GPD2: variants seen among roughly 807,000 people sequenced by gnomAD.
GPD2 encodes the protein glycerol-3-phosphate dehydrogenase 2, also known as glycerol-3-phosphate dehydrogenase, mitochondrial.
Under a neutral mutation model 82.4 loss-of-function variants are expected in GPD2, and 54 were observed. The ratio of observed to expected loss-of-function variants is 0.66; its 90% CI spans 0.53 to 0.82. The LOEUF (loss-of-function observed/expected upper bound fraction) is 0.82. Among genes scored for constraint, GPD2 ranks in the 40% least tolerant of loss-of-function variants. The pLI is 0.00. For synonymous variants in GPD2, 288 were observed against 306.1 expected (o/e 0.94, Z 0.62); for missense variants, 748 against 896.2 (o/e 0.83, Z 2.11).
chr2:156,519,597 A>T (rs981981941), intron 6 of GPD2, among the ~76,000 whole-genome samples: 9 of 152,264 alleles, frequency 5.9e-5, no homozygotes, highest in African/African-American at 2.2e-4. Context: ...ATTGATACAC[A>T]TAAAAGAATA....
chr2:156,569,806 G>T (rs1687544953), intron 11 of GPD2, among the ~76,000 whole-genome samples: 1 of 152,092 alleles, frequency 6.6e-6, no homozygotes, highest in South Asian at 2.1e-4. Context: ...TCTGTCTCAG[G>T]CATGAAGAAG....
intron 6 of GPD2, 24 bp downstream of exon 6, chr2:156,513,520 TC>T (rs757788519): frequency 1.6e-5 from 24 of 1,525,338 alleles, no homozygotes; most frequent in Non-Finnish European, 2.0e-5. Context: ...TTTTTTTTTT[TC>T]CTCACAAGAT....
intron 1 of GPD2, among the ~76,000 whole-genome samples, chr2:156,442,166 T>G (rs970246477): frequency 6.6e-6 from 1 of 152,190 alleles, no homozygotes; most frequent in African/African-American, 2.4e-5. Context: ...AAAACAAACC[T>G]GACAAGCTAT....
intron 1 of GPD2, among the ~76,000 whole-genome samples, chr2:156,447,448 C>T (rs1032350761): frequency 3.3e-5 from 5 of 152,142 alleles, no homozygotes; most frequent in East Asian, 3.9e-4. Flanking sequence ...GATCCTCCTA[C>T]GTCAGCCTCC....
At chr2:156,433,218 C>A (rs760762791), upstream of GPD2, among the ~76,000 whole-genome samples, 1 of 152,176 alleles carries the variant, frequency 6.6e-6, no homozygotes, top group Non-Finnish European at 1.5e-5. Context: ...CAGCCCATTC[C>A]CAAAGCAGAC....
chr2:156,571,330 G>A, intron 13 of GPD2, 38 bp downstream of exon 13: 2 of 1,309,154 alleles, frequency 1.5e-6, no homozygotes, highest in South Asian at 1.5e-5. Flanking sequence ...AATTCCTATT[G>A]TAAACGCGGA....
At chr2:156,582,763 T>A in intron 16 of GPD2, 30 bp from the exon 17 acceptor site, 5 of 1,611,576 alleles carry the variant, frequency 3.1e-6, no homozygotes, top group Non-Finnish European at 4.2e-6. Flanking sequence ...TGGCCTGCGT[T>A]CTGAATCTGT....
Position 156,507,596 on chromosome 2 carries a change from G to T in GPD2, c.275-3200G>T, listed in dbSNP as rs150006674. Among the ~76,000 whole-genome samples the T allele has an allele frequency of 1.3e-3, 196 of 152,192 alleles. 4 individuals carry two copies. The East Asian group carries it at 0.033, about 26-fold the overall frequency. ...CCCGCCTTGGCTTCCAAAGTGCTAG[G>T]ATTATGTGAGCCACTCACACCTGGC... On this transcript the variant is annotated intron_variant, in intron 3 of 16. Coordinates refer to ENST00000438166, the MANE Select transcript of GPD2 (RefSeq NM_000408.5).
At chr2:156,557,250 G>A in intron 8 of GPD2, 139 bp from the exon 9 acceptor site, 2 of 685,356 alleles carry the variant, frequency 2.9e-6, no homozygotes, top group Non-Finnish European at 5.2e-6. Flanking sequence ...TCTAGATTAG[G>A]GTAGGGGAAG....
At chr2:156,408,550 A>C in the GPD2 span, among the ~76,000 whole-genome samples, 2 of 151,564 alleles carry the variant, frequency 1.3e-5, no homozygotes, top group East Asian at 3.9e-4. Context: ...ACATAGGGAG[A>C]CCACCCCCTG....
chr2:156,582,738 A>C (rs1213171120), intron 16 of GPD2, 55 bp from the exon 17 acceptor site: 4 of 1,593,566 alleles, frequency 2.5e-6, no homozygotes, highest in Non-Finnish European at 2.6e-6. Context: ...TGATGCCATG[A>C]AGAAGAGAGT....
chr2:156,506,589 TAAAA>T (rs546400674), intron 3 of GPD2, among the ~76,000 whole-genome samples: 1 of 144,156 alleles, frequency 6.9e-6, no homozygotes, highest in African/African-American at 2.5e-5. Flanking sequence ...TTTGGGAAAT[TAAAA>T]AAAAAAAAAA....
chr2:156,583,096 T>C lies in GPD2; in HGVS notation c.*178T>C, dbSNP rs1404030556. The stretch of plus-strand genomic sequence containing the variant: ...TTTGCCAGCTTTATTTGCTGTACTT[T>C]ATTTGTATTTGCCATTCAGTCTAGC... On this transcript the variant is annotated 3_prime_UTR_variant, in exon 17 of 17. Transcript: ENST00000438166. 1 of 673,898 alleles carries C rather than the reference T, an allele frequency of 1.5e-6. No homozygotes were observed. Among genetic ancestry groups the C allele is most frequent in the Non-Finnish European group, 2.6e-6 (1 of 381,020 alleles). The allele number at this position is 673,898 out of a possible 1,614,324, so 41.7% of individuals were successfully genotyped here. A position where few individuals can be genotyped will look rare whatever the true frequency, so the allele number is the denominator to read the frequency against.
chr2:156,447,804 C>T (rs1003857696), intron 1 of GPD2, among the ~76,000 whole-genome samples: 6 of 152,152 alleles, frequency 3.9e-5, no homozygotes, highest in African/African-American at 1.4e-4. Flanking sequence ...AGGTTCTTTG[C>T]CTTGATATTG....
the GPD2 span, among the ~76,000 whole-genome samples, chr2:156,402,427 C>CA: frequency 1.3e-5 from 2 of 152,158 alleles, no homozygotes; most frequent in African/African-American, 4.8e-5. Context: ...ATTAGGGAAT[C>CA]AGACTACAAT....
the GPD2 span, among the ~76,000 whole-genome samples, chr2:156,401,287 C>T: frequency 1.4e-4 from 21 of 152,244 alleles, no homozygotes; most frequent in South Asian, 4.1e-4. Context: ...TAAACAATCA[C>T]GTATTTGTGT....
chr2:156,569,218 T>G (rs1312575328), intron 10 of GPD2, 145 bp from the exon 11 acceptor site: 7 of 698,292 alleles, frequency 1.0e-5, no homozygotes, highest in Non-Finnish European at 1.3e-5. Flanking sequence ...AACAAGCATT[T>G]TTTTTATTCT....
chr2:156,476,224 G>A lies in GPD2; in HGVS notation c.102+17G>A, dbSNP rs1256460960. 1.5e-6 allele frequency: 2 copies of A among 1,319,516 alleles called. No homozygotes were observed. Among genetic ancestry groups the A allele is most frequent in the Admixed American group, 3.4e-5 (2 of 59,666 alleles). 81.7% of individuals were successfully genotyped at this position (1,319,516 alleles called of 1,614,324 possible). ...AGGAAACAAGTAAGTAACTGTACTT[G>A]TGTTGATTACAGTATGCAACTTAAA... On this transcript the variant is annotated intron_variant, in intron 2 of 16. Transcript: ENST00000438166.
intron 10 of GPD2, 104 bp from the exon 11 acceptor site, chr2:156,569,259 T>G: frequency 1.2e-6 from 1 of 809,526 alleles, no homozygotes; most frequent in Non-Finnish European, 2.2e-6. Flanking sequence ...CCATGTTTGT[T>G]ACAAACAACA....
Sources: gnomAD v4.1 joint callset for allele counts (sites outside exome capture counted in the v4.1 genomes callset) on GRCh38, gnomAD v4.1.1 for gene constraint, MANE v1.5 for transcripts, NCBI Gene and HGNC (gene_info 2026-07-23, HGNC 2026-07-21) for gene names.